Variants in MCC observed in about 807,000 individuals in gnomAD.
MCC encodes MCC regulator of Wnt signaling pathway.
Under a neutral mutation model 116.2 loss-of-function variants are expected in MCC, and 90 were observed. The observed-to-expected ratio is 0.77, with a 90% confidence interval of 0.65 to 0.92. MCC has a LOEUF of 0.92. Ranked by LOEUF, MCC falls within the 40% of genes least tolerant of loss-of-function variation. The pLI is 0.00. For synonymous variants in MCC, 578 were observed against 510.5 expected (o/e 1.13, Z -1.78); for missense variants, 1,516 against 1,312.2 (o/e 1.16, Z -2.40).
chr5:113,330,497 A>G (rs1767672940), intron 3 of MCC, among the ~76,000 whole-genome samples: 1 of 152,250 alleles, frequency 6.6e-6, no homozygotes, highest in African/African-American at 2.4e-5. Context: ...TTTTCTTCAA[A>G]AACGCAAAAA....
intron 1 of MCC, among the ~76,000 whole-genome samples, chr5:113,472,737 G>A (rs1366039503): frequency 6.6e-6 from 1 of 152,108 alleles, no homozygotes; most frequent in Admixed American, 6.5e-5. Flanking sequence ...AGATCAAAAT[G>A]CAATATTTTT....
At chr5:113,342,731 T>C (rs1473512453) in intron 2 of MCC, among the ~76,000 whole-genome samples, 1 of 152,250 alleles carries the variant, frequency 6.6e-6, no homozygotes, top group Non-Finnish European at 1.5e-5. Flanking sequence ...TGGGTGCATC[T>C]GGTTGGTGAA....
At chr5:113,076,844 TAAAAGACACAGAC>T (rs1472639038) in intron 11 of MCC, among the ~76,000 whole-genome samples, 1 of 152,166 alleles carries the variant, frequency 6.6e-6, no homozygotes, top group African/African-American at 2.4e-5. Context: ...ATGTTTCAAT[TAAAAGACACAGAC>T]TGGCAAATTG....
At chr5:113,262,162 G>T (rs1210395302) in intron 3 of MCC, among the ~76,000 whole-genome samples, 1 of 151,938 alleles carries the variant, frequency 6.6e-6, no homozygotes, top group Admixed American at 6.6e-5. Context: ...CGAAACAAAT[G>T]CATCCTCTAG....
At chr5:113,408,627 T>C (rs904787909) in intron 1 of MCC, among the ~76,000 whole-genome samples, 2 of 152,186 alleles carry the variant, frequency 1.3e-5, no homozygotes, top group Non-Finnish European at 2.9e-5. Context: ...ATATGAGCTC[T>C]CAGGTCCAAA....
At chr5:113,169,781 GTGTT>G (rs1040908763) in intron 3 of MCC, among the ~76,000 whole-genome samples, 4 of 152,166 alleles carry the variant, frequency 2.6e-5, no homozygotes, top group African/African-American at 9.7e-5. Context: ...CTCTGTGTGA[GTGTT>G]TGTAGTCAAC....
chr5:113,347,792 T>C (rs927587050), intron 2 of MCC, among the ~76,000 whole-genome samples: 10 of 148,912 alleles, frequency 6.7e-5, no homozygotes, highest in African/African-American at 1.2e-4. Context: ...CCTAAATGGA[T>C]AAAAAAGCAA....
intron 15 of MCC, among the ~76,000 whole-genome samples, chr5:113,049,506 T>C (rs975289014): frequency 6.6e-6 from 1 of 152,226 alleles, no homozygotes; most frequent in African/African-American, 2.4e-5. Context: ...GACAAGGCCA[T>C]GCACTTTGTC....
chr5:113,102,062 T>G, intron 7 of MCC, 117 bp from the exon 8 acceptor site: 1 of 949,276 alleles, frequency 1.1e-6, no homozygotes, highest in East Asian at 2.5e-5. Context: ...AGAACCACTT[T>G]GTTATAAATA....
At chr5:113,433,398 C>CCTTCCTGCTGCT (rs1378845075) in intron 1 of MCC, 21 of 542,510 alleles carry the variant, frequency 3.9e-5, no homozygotes, top group African/African-American at 3.8e-4. Flanking sequence ...GACAGCGGTG[C>CCTTCCTGCTGCT]CTTCCTGCTG....
chr5:113,061,558 C>T (rs540337537), intron 14 of MCC, among the ~76,000 whole-genome samples: 59 of 152,282 alleles, frequency 3.9e-4, no homozygotes, highest in African/African-American at 1.2e-3. Flanking sequence ...GAAGTGGCAC[C>T]GACCCTGGGC....
chr5:113,199,698 C>T (rs1251518022), intron 3 of MCC, among the ~76,000 whole-genome samples: 1 of 152,142 alleles, frequency 6.6e-6, no homozygotes, highest in Non-Finnish European at 1.5e-5. Flanking sequence ...TGCATCACCA[C>T]GTGAATGAGA....
chr5:113,101,059 T>C (rs973494793), intron 8 of MCC, among the ~76,000 whole-genome samples: 1 of 152,216 alleles, frequency 6.6e-6, no homozygotes, highest in African/African-American at 2.4e-5. Context: ...CGAACATTTC[T>C]ATCCTGAAAC....
At chr5:113,153,013 G>A (rs1397583892) in intron 3 of MCC, among the ~76,000 whole-genome samples, 1 of 152,084 alleles carries the variant, frequency 6.6e-6, no homozygotes, top group Non-Finnish European at 1.5e-5. Context: ...TGTTTTGTTT[G>A]GTGGAAGGGG....
chr5:113,318,176 A>G (rs1292296907), intron 3 of MCC, among the ~76,000 whole-genome samples: 1 of 152,192 alleles, frequency 6.6e-6, no homozygotes, highest in Non-Finnish European at 1.5e-5. Flanking sequence ...CATTTTTTAA[A>G]GCACTGTACT....
intron 6 of MCC, among the ~76,000 whole-genome samples, chr5:113,111,830 C>T (rs1015076653): frequency 1.3e-5 from 2 of 152,178 alleles, no homozygotes; most frequent in African/African-American, 4.8e-5. Flanking sequence ...ACTAAGAATC[C>T]TAATGAGCCT....
intron 3 of MCC, among the ~76,000 whole-genome samples, chr5:113,198,133 T>C (rs979526809): frequency 1.3e-5 from 2 of 152,230 alleles, no homozygotes; most frequent in African/African-American, 4.8e-5. Flanking sequence ...GCAAGTCTCG[T>C]GCCACATACA....
chr5:113,348,520 A>G (rs1460375547), intron 2 of MCC, among the ~76,000 whole-genome samples: 1 of 152,076 alleles, frequency 6.6e-6, no homozygotes, highest in Non-Finnish European at 1.5e-5. Flanking sequence ...AAAACAAATG[A>G]TAATGGACAT....
At chr5:113,082,608 C>T (rs1754936060) in intron 11 of MCC, among the ~76,000 whole-genome samples, 1 of 152,204 alleles carries the variant, frequency 6.6e-6, no homozygotes, top group Admixed American at 6.5e-5. Context: ...GACAGCAGAG[C>T]AGTGAAGCAA....
Sources: gnomAD v4.1 joint callset for allele counts (sites outside exome capture counted in the v4.1 genomes callset) on GRCh38, gnomAD v4.1.1 for gene constraint, MANE v1.5 for transcripts, NCBI Gene and HGNC (gene_info 2026-07-23, HGNC 2026-07-21) for gene names.